Variants in UTP20 observed in about 807,000 individuals in gnomAD.
UTP20 encodes the protein small subunit processome component 20 homolog.
Under a neutral mutation model 329.5 loss-of-function variants are expected in UTP20, and 164 were observed. That is an observed-to-expected ratio of 0.50 (90% CI 0.44 to 0.57). The LOEUF is 0.57. UTP20 is among the 20% of genes least tolerant of loss of function. The pLI is 0.00. For synonymous variants in UTP20, 1,151 were observed against 1,159.3 expected, an observed-to-expected ratio of 0.99 and a Z score of 0.14; for missense variants, 3,055 against 3,284.2, an observed-to-expected ratio of 0.93 and a Z score of 1.71.
At chr12:101,296,654 A>G (rs1019200508) in intron 12 of UTP20, among the ~76,000 whole-genome samples, 4 of 152,022 alleles carry the variant, frequency 2.6e-5, no homozygotes, top group Non-Finnish European at 4.4e-5. Flanking sequence ...AGGCTGAGGC[A>G]GGAGAATGGC....
At chr12:101,356,325 C>T (rs1468860739) in intron 41 of UTP20, among the ~76,000 whole-genome samples, 2 of 152,138 alleles carry the variant, frequency 1.3e-5, no homozygotes, top group African/African-American at 4.8e-5. Context: ...GGGGTTTCTC[C>T]AGGTTGGTCA....
At position 101,289,059 on chromosome 12, in the gene UTP20, T is replaced by C. The variant is rs780905408; in HGVS notation, c.597+18T>C. 6.3e-7 allele frequency: 1 copy of C among 1,596,396 alleles called. No individual in the cohort carries two copies. The highest frequency in any genetic ancestry group is 1.7e-5 in the Admixed American group (1 of 59,808). On this transcript the variant is annotated intron_variant, in intron 6 of 61. Transcript: ENST00000261637. ...TGAGAAAGGTTAGTCTGGTATTTTA[T>C]CTGTTTGTTGCTAATCATCAAGAAT...
intron 13 of UTP20, 22 bp from the exon 14 acceptor site, chr12:101,299,951 C>G (rs751463561): frequency 6.2e-7 from 1 of 1,612,894 alleles, no homozygotes; most frequent in Non-Finnish European, 8.5e-7. Context: ...TGAACTTTTC[C>G]CTTTTTCTCC....
chr12:101,311,273 A>C (rs1003842266), intron 19 of UTP20, among the ~76,000 whole-genome samples: 6 of 94,560 alleles, frequency 6.3e-5, no homozygotes, highest in African/African-American at 4.5e-4. Flanking sequence ...AAGTTCTGAA[A>C]AGTTGTTTCA....
chr12:101,373,637 C>T lies in UTP20; in HGVS notation c.7001C>T (p.Thr2334Met), dbSNP rs756277930. The change falls in exon 54 of 62, where the codon ACG (threonine) becomes ATG (methionine). Residue 2334 changes from threonine (T) to methionine (M), a missense_variant. Physicochemically the swap from Thr to Met is moderately conservative, Grantham distance 81 (BLOSUM62 -1). This residue lies in a region of UTP20 where 273 missense variants were observed against 363.1 expected (regional missense o/e 0.75). Coordinates refer to ENST00000261637, the MANE Select transcript of UTP20 (RefSeq NM_014503.3). ...GMFFIPLCLM[T>M]INDDSATCKK... ...TTCTTTATCCCTCTTTGTCTAATGACGATCAATGATGACTCTGCCACGTGC... is the reference window on the plus strand; with the variant it reads ...TTCTTTATCCCTCTTTGTCTAATGATGATCAATGATGACTCTGCCACGTGC... The T allele has an allele frequency of 8.7e-6, 14 of 1,612,964 alleles. No individual in the cohort carries two copies. Among genetic ancestry groups the T allele is most frequent in the Admixed American group, 1.7e-5 (1 of 59,596 alleles).
Position 101,342,933 on chromosome 12 carries a change from T to A in UTP20, c.4297-8T>A, listed in dbSNP as rs762130521. ...TCTTTTATATAACTTCAATGGCATT[T>A]CTTATAGCTTAACGCCTTCGATCAA... On this transcript the variant is annotated splice_region_variant and splice_polypyrimidine_tract_variant and intron_variant, in intron 34 of 61. Coordinates refer to ENST00000261637, the MANE Select transcript of UTP20 (RefSeq NM_014503.3). 3 of 1,610,770 alleles carry A rather than the reference T, an allele frequency of 1.9e-6. No homozygotes were observed. The highest frequency in any genetic ancestry group is 2.5e-6 in the Non-Finnish European group (3 of 1,179,132).
chr12:101,311,161 A>T (rs1003227979), intron 19 of UTP20, among the ~76,000 whole-genome samples: 1 of 152,228 alleles, frequency 6.6e-6, no homozygotes, highest in Admixed American at 6.5e-5. Context: ...TGTAAAGTTT[A>T]TGCATATTCT....
At chr12:101,301,785 A>C (rs1169801014) in intron 14 of UTP20, among the ~76,000 whole-genome samples, 2 of 152,244 alleles carry the variant, frequency 1.3e-5, no homozygotes, top group East Asian at 3.9e-4. Flanking sequence ...TACCAAGATA[A>C]TTTCTTAGCT....
chr12:101,372,330 G>A (rs1870321466), intron 51 of UTP20, among the ~76,000 whole-genome samples: 1 of 152,224 alleles, frequency 6.6e-6, no homozygotes, highest in Non-Finnish European at 1.5e-5. Context: ...ACATGAACAA[G>A]TTTCTTATTG....
At chr12:101,295,100 C>T (rs1872305286) in intron 11 of UTP20, among the ~76,000 whole-genome samples, 1 of 152,174 alleles carries the variant, frequency 6.6e-6, no homozygotes, top group South Asian at 2.1e-4. Flanking sequence ...TTTTGCTTCT[C>T]TCTTGTTTCC....
intron 45 of UTP20, among the ~76,000 whole-genome samples, chr12:101,365,072 T>TTG (rs60890980): frequency 0.066 from 9,300 of 141,926 alleles, 336 homozygotes; most frequent in Non-Finnish European, 0.079. Context: ...ATTTTGTTGA[T>TTG]TGTGTGTGTG....
intron 5 of UTP20, 24 bp from the exon 6 acceptor site, chr12:101,288,936 G>C (rs567846536): frequency 3.8e-6 from 6 of 1,577,138 alleles, no homozygotes; most frequent in Non-Finnish European, 5.2e-6. Context: ...TTAATGAAAT[G>C]TATCTTATTT....
intron 14 of UTP20, 130 bp from the exon 15 acceptor site, chr12:101,302,318 A>G (rs970065323): frequency 4.2e-5 from 26 of 620,670 alleles, no homozygotes; most frequent in Admixed American, 3.6e-4. Flanking sequence ...TTGACAGACA[A>G]TTCTTTGGAA....
Position 101,362,548 on chromosome 12 carries a change from A to AATTAATTAGATTG in UTP20, c.5790+488_5790+489insATTAATTAGATTG, listed in dbSNP as rs1869963431. Among the ~76,000 whole-genome samples the AATTAATTAGATTG allele has an allele frequency of 2.0e-5, 2 of 102,218 alleles. 1 individual carries two copies. Among genetic ancestry groups the AATTAATTAGATTG allele is most frequent in the African/African-American group, 2.6e-4 (2 of 7,580 alleles). The allele number at this position is 102,218 out of a possible 152,430, so 67.1% of individuals were successfully genotyped here. A position where few individuals can be genotyped will look rare whatever the true frequency, so the allele number is the denominator to read the frequency against. On this transcript the variant is annotated intron_variant, in intron 44 of 61. Coordinates refer to ENST00000261637, the MANE Select transcript of UTP20 (RefSeq NM_014503.3). ...GTGAAACCCCGTCTCTAAGAAAAAT[A>AATTAATTAGATTG]CAAAAACTAGCCAGGCATGGTGATG...
intron 38 of UTP20, among the ~76,000 whole-genome samples, chr12:101,351,006 A>G (rs1236129746): frequency 1.3e-5 from 2 of 152,118 alleles, no homozygotes; most frequent in African/African-American, 4.8e-5. Context: ...GCAACTTAAC[A>G]GTTCTCTCCA....
intron 12 of UTP20, 21 bp downstream of exon 12, chr12:101,295,679 C>T (rs1240470674): frequency 1.9e-6 from 3 of 1,570,590 alleles, no homozygotes; most frequent in Non-Finnish European, 1.7e-6. Flanking sequence ...ACTTTTTATT[C>T]CTGTAATGAT....
At chr12:101,338,331 T>G in intron 30 of UTP20, 54 bp downstream of exon 30, 1 of 1,569,934 alleles carries the variant, frequency 6.4e-7, no homozygotes, top group Non-Finnish European at 8.8e-7. Flanking sequence ...AGCAATTGTT[T>G]CCTTAGAAGA....
chr12:101,318,028 T>C (rs746880715), intron 22 of UTP20, among the ~76,000 whole-genome samples: 7 of 152,230 alleles, frequency 4.6e-5, no homozygotes, highest in Non-Finnish European at 1.0e-4. Context: ...GAACATGTAA[T>C]GGAACATCCT....
chr12:101,290,422 C>A, intron 7 of UTP20, 148 bp downstream of exon 7: 1 of 962,540 alleles, frequency 1.0e-6, no homozygotes, highest in Non-Finnish European at 1.5e-6. Context: ...AATGCTTACC[C>A]AATGTAGGCC....
Sources: gnomAD v4.1 joint callset for allele counts (sites outside exome capture counted in the v4.1 genomes callset) on GRCh38, gnomAD v4.1.1 for gene constraint, gnomAD v4.1.1 regional missense constraint, MANE v1.5 for transcripts, NCBI Gene and HGNC (gene_info 2026-07-23, HGNC 2026-07-21) for gene names.